The following CNTNAP3B variants were observed in gnomAD, a reference collection of about 807,000 sequenced individuals.
CNTNAP3B encodes the protein contactin associated protein family member 3B, also known as contactin-associated protein-like 3B.
A neutral mutation model predicts 108.9 loss-of-function variants in CNTNAP3B; 25 were observed. That is an observed-to-expected ratio of 0.23 (90% CI 0.17 to 0.32). The LOEUF is 0.32. Ranked by LOEUF, CNTNAP3B falls within the 10% of genes least tolerant of loss-of-function variation. CNTNAP3B has a pLI of 1.00. For synonymous variants in CNTNAP3B, 103 were observed against 473.4 expected (o/e 0.22, Z 10.16); for missense variants, 252 against 1,210.4 (o/e 0.21, Z 11.75).
chr9:42,116,271 G>A (rs1432640497), intron 1 of CNTNAP3B, among the ~76,000 whole-genome samples: 2 of 134,068 alleles, frequency 1.5e-5, no homozygotes, highest in Non-Finnish European at 3.1e-5. Flanking sequence ...GGCAGCCAGA[G>A]AGAAAGGTCG....
intron 9 of CNTNAP3B, chr9:41,975,182 C>T (rs756009339): frequency 1.7e-3 from 313 of 187,186 alleles, no homozygotes; most frequent in African/African-American, 1.7e-3. Flanking sequence ...GCAAATCAGG[C>T]GGCAAGATCA....
intron 10 of CNTNAP3B, among the ~76,000 whole-genome samples, chr9:41,969,270 G>T (rs1455846124): frequency 1.3e-5 from 2 of 150,698 alleles, no homozygotes; most frequent in Non-Finnish European, 2.9e-5. Flanking sequence ...AACTGTGGTT[G>T]TAATACTTAT....
intron 1 of CNTNAP3B, among the ~76,000 whole-genome samples, chr9:42,117,693 A>G (rs1444525930): frequency 7.4e-6 from 1 of 135,826 alleles, no homozygotes; most frequent in Non-Finnish European, 1.6e-5. Context: ...AACTGAAGGA[A>G]ATAGAGACAC....
chr9:41,941,826 G>A (rs1381311244), intron 13 of CNTNAP3B, among the ~76,000 whole-genome samples: 399 of 150,616 alleles, frequency 2.6e-3, no homozygotes, highest in Middle Eastern at 6.8e-3. Flanking sequence ...CTAGAGTGGG[G>A]GATACGCCTT....
intron 7 of CNTNAP3B, among the ~76,000 whole-genome samples, chr9:41,995,439 C>CAAAACAAAAACA (rs1185722905): frequency 9.1e-6 from 1 of 110,388 alleles, no homozygotes; most frequent in Non-Finnish European, 1.8e-5. Context: ...GACTGCATCT[C>CAAAACAAAAACA]AAAACAAAAA....
intron 13 of CNTNAP3B, among the ~76,000 whole-genome samples, chr9:41,941,204 A>G (rs1261059748): frequency 6.6e-6 from 1 of 151,064 alleles, no homozygotes; most frequent in African/African-American, 2.4e-5. Context: ...AACGAGTAAG[A>G]AAATTATAAA....
intron 10 of CNTNAP3B, among the ~76,000 whole-genome samples, chr9:41,968,133 C>T (rs1229608609): frequency 1.3e-5 from 2 of 152,094 alleles, no homozygotes; most frequent in African/African-American, 2.4e-5. Context: ...TGAAAAGAGG[C>T]AGCCTCACAA....
At chr9:42,125,485 T>A in intron 1 of CNTNAP3B, among the ~76,000 whole-genome samples, 1 of 141,032 alleles carries the variant, frequency 7.1e-6, no homozygotes, top group Non-Finnish European at 1.5e-5. Context: ...TTGGACTGAA[T>A]TGTTCAAAAA....
At chr9:41,969,300 T>G (rs1479238955) in intron 10 of CNTNAP3B, among the ~76,000 whole-genome samples, 3 of 150,498 alleles carry the variant, frequency 2.0e-5, no homozygotes, top group Admixed American at 2.0e-4. Context: ...ATGTTTTTCT[T>G]GTCTAACCTC....
rs775235535 is a variant in CNTNAP3B, at chr9:41,953,186, G to T, written c.2077C>A (p.Arg693=). ...RCGTARRPDS[R]DGTPLSWWVG... is the part of the protein sequence containing the mutation. The stretch of plus-strand genomic sequence containing the variant: ...AGCCTCCAGCAGTGGCGCTTACCTC[G>T]TGAGTCCGGGCGCCGCGCTGTCCCG... Residue 693 remains arginine (R), a synonymous_variant, in exon 13 of 24, where the codon CGA becomes AGA. Transcript: ENST00000377561. 2 of 1,521,344 alleles carry T rather than the reference G, an allele frequency of 1.3e-6. No individual in the cohort carries two copies. Among genetic ancestry groups the T allele is most frequent in the East Asian group, 5.2e-5 (2 of 38,394 alleles). The allele number at this position is 1,521,344 out of a possible 1,614,324, so 94.2% of individuals were successfully genotyped here.
chr9:41,924,973 G>A (rs1474820789), intron 15 of CNTNAP3B, among the ~76,000 whole-genome samples: 1 of 151,788 alleles, frequency 6.6e-6, no homozygotes, highest in African/African-American at 2.4e-5. Context: ...ACCACAGAAG[G>A]GCTGCTGTGT....
At position 41,939,606 on chromosome 9, in the gene CNTNAP3B, G is replaced by C. The variant is rs549881780; in HGVS notation, c.2081-1206C>G. Among the ~76,000 whole-genome samples, 8 of 152,390 alleles carry C rather than the reference G, an allele frequency of 5.2e-5. No homozygotes were observed. In the East Asian group the frequency reaches 1.5e-3, roughly 29 times the overall value. ...AAAAGCTTGTCACTACAACGTAAAA[G>C]ATATTTTTAAAAATTAATACACTCT... On this transcript the variant is annotated intron_variant, in intron 13 of 23. Transcript: ENST00000377561.
chr9:41,944,605 T>C (rs1362545252), intron 13 of CNTNAP3B, among the ~76,000 whole-genome samples: 5 of 151,854 alleles, frequency 3.3e-5, no homozygotes, highest in Admixed American at 6.6e-5. Flanking sequence ...AAACAAAAAA[T>C]GTGAGAGGGG....
chr9:41,917,095 T>A (rs1240995913), intron 18 of CNTNAP3B, among the ~76,000 whole-genome samples: 1 of 152,302 alleles, frequency 6.6e-6, no homozygotes, highest in Non-Finnish European at 1.5e-5. Flanking sequence ...GGGGATGTTT[T>A]CAACCATTAT....
chr9:42,112,521 C>T lies in CNTNAP3B; in HGVS notation c.86-7782G>A, dbSNP rs556419200. ...GACCAGCTGATGAGTGTCTGGTTCC[C>T]GGGACATGACAGACAATTCCTAGAG... On this transcript the variant is annotated intron_variant, in intron 1 of 23. Coordinates refer to ENST00000377561, the MANE Select transcript of CNTNAP3B (RefSeq NM_001201380.3). Among the ~76,000 whole-genome samples the T allele has an allele frequency of 2.6e-3, 360 of 138,300 alleles. 58 individuals are homozygous for T. In the Middle Eastern group the frequency reaches 0.039, roughly 15 times the overall value. 90.7% of individuals were successfully genotyped at this position (138,300 alleles called of 152,430 possible). A position where few individuals can be genotyped will look rare whatever the true frequency, so the allele number is the denominator to read the frequency against.
chr9:41,977,874 A>G (rs1373219690), intron 9 of CNTNAP3B, among the ~76,000 whole-genome samples: 1 of 140,742 alleles, frequency 7.1e-6, no homozygotes, highest in Non-Finnish European at 1.5e-5. Flanking sequence ...CTTGTGATCC[A>G]CCTGCCTAGG....
chr9:42,108,647 T>A (rs1420826579), intron 1 of CNTNAP3B, among the ~76,000 whole-genome samples: 5 of 128,322 alleles, frequency 3.9e-5, no homozygotes, highest in African/African-American at 1.6e-4. Flanking sequence ...GTGACAACTT[T>A]GAAGATGCAC....
At chr9:41,967,819 T>C (rs1320994395) in intron 10 of CNTNAP3B, among the ~76,000 whole-genome samples, 1 of 152,280 alleles carries the variant, frequency 6.6e-6, no homozygotes, top group East Asian at 1.9e-4. Flanking sequence ...AGCCTTTATT[T>C]GTAGCCCTAT....
At chr9:41,961,454 TTA>T (rs1825088568) in intron 11 of CNTNAP3B, among the ~76,000 whole-genome samples, 1 of 152,424 alleles carries the variant, frequency 6.6e-6, no homozygotes, top group African/African-American at 2.4e-5. Flanking sequence ...TACCTCAGAA[TTA>T]AACTCTATAA....
Sources: allele counts gnomAD v4.1 joint callset (sites outside exome capture counted in the v4.1 genomes callset), GRCh38; gene constraint gnomAD v4.1.1; transcripts MANE v1.5; gene names NCBI Gene and HGNC (gene_info 2026-07-23, HGNC 2026-07-21).